Variants in ASAP1 observed in about 807,000 individuals in gnomAD.
The protein encoded by ASAP1 is ArfGAP with SH3 domain, ankyrin repeat and PH domain 1.
Under a neutral mutation model 145.2 loss-of-function variants are expected in ASAP1, and 43 were observed. The ratio of observed to expected loss-of-function variants is 0.30; its 90% CI spans 0.23 to 0.38. The LOEUF is 0.38. ASAP1 is among the 10% of genes least tolerant of loss of function. The pLI is 1.00. For missense variants in ASAP1, 1,018 were observed against 1,355.3 expected (o/e 0.75, Z 3.91); for synonymous variants, 546 against 515.5 (o/e 1.06, Z -0.80).
chr8:130,062,896 C>T (rs907261013), intron 27 of ASAP1, among the ~76,000 whole-genome samples: 7 of 152,120 alleles, frequency 4.6e-5, no homozygotes, highest in African/African-American at 1.4e-4. Flanking sequence ...ATTGCTTGAG[C>T]CCAGGGTCCA....
intron 5 of ASAP1, chr8:130,195,423 G>T (rs916532639): frequency 1.3e-5 from 2 of 149,894 alleles, no homozygotes; most frequent in African/African-American, 4.9e-5. Context: ...GCATGATGGC[G>T]CACGCCTGTA....
At chr8:130,422,196 G>A in intron 1 of ASAP1, among the ~76,000 whole-genome samples, 1 of 152,142 alleles carries the variant, frequency 6.6e-6, no homozygotes, top group East Asian at 1.9e-4. Flanking sequence ...GGAGGCCTGA[G>A]GGGGATGGGC....
intron 27 of ASAP1, among the ~76,000 whole-genome samples, chr8:130,072,825 G>GTGCGTGTGCGCGCGCGCA: frequency 1.8e-5 from 1 of 54,098 alleles, no homozygotes; most frequent in South Asian, 6.9e-4. Context: ...GTGTGTGTGT[G>GTGCGTGTGCGCGCGCGCA]CGCGCGGGGG....
intron 3 of ASAP1, among the ~76,000 whole-genome samples, chr8:130,338,448 A>G (rs1825173833): frequency 6.6e-6 from 1 of 152,208 alleles, no homozygotes; most frequent in South Asian, 2.1e-4. Context: ...ACAACAGAAG[A>G]TACGTGTCAG....
intron 3 of ASAP1, among the ~76,000 whole-genome samples, chr8:130,357,269 G>A (rs1444361914): frequency 1.3e-5 from 2 of 151,070 alleles, no homozygotes; most frequent in Non-Finnish European, 2.9e-5. Context: ...CTGTCGCCTC[G>A]GGCCTCCCTT....
In ASAP1 at chr8:130,267,074, T is replaced by C. The variant is rs1448922448; in HGVS notation, c.187-30080A>G. On this transcript the variant is annotated intron_variant, in intron 3 of 29. Transcript: ENST00000518721. Reference sequence around the variant, plus strand: ...AGTAGTCATTAAGAGGACAAAGAAGTAGTACAGCCCAGAGTGAGACTCTGT... The same window carrying C: ...AGTAGTCATTAAGAGGACAAAGAAGCAGTACAGCCCAGAGTGAGACTCTGT... 2.1e-5 allele frequency among the ~76,000 whole-genome samples: 3 copies of C among 141,332 alleles called. No homozygotes were observed. In the South Asian group the frequency reaches 6.6e-4, roughly 31 times the overall value. 92.7% of individuals were successfully genotyped at this position (141,332 alleles called of 152,430 possible). A position where few individuals can be genotyped will look rare whatever the true frequency, so the allele number is the denominator to read the frequency against.
chr8:130,346,829 G>C (rs1206753162), intron 3 of ASAP1, among the ~76,000 whole-genome samples: 3 of 148,094 alleles, frequency 2.0e-5, no homozygotes, highest in Non-Finnish European at 4.5e-5. Flanking sequence ...ATTTTGATTT[G>C]TACTTTGTGG....
chr8:130,149,509 C>T (rs1307898757), intron 13 of ASAP1, among the ~76,000 whole-genome samples: 1 of 152,108 alleles, frequency 6.6e-6, no homozygotes, highest in Non-Finnish European at 1.5e-5. Flanking sequence ...GCAGACCTTG[C>T]TTGGGTGGCC....
At chr8:130,254,478 A>G (rs1362235606) in intron 3 of ASAP1, among the ~76,000 whole-genome samples, 3 of 152,244 alleles carry the variant, frequency 2.0e-5, no homozygotes, top group African/African-American at 7.2e-5. Flanking sequence ...TCACACATTC[A>G]TTAAAAAGGC....
At chr8:130,280,955 T>A (rs1821209149) in intron 3 of ASAP1, among the ~76,000 whole-genome samples, 1 of 152,232 alleles carries the variant, frequency 6.6e-6, no homozygotes, top group Non-Finnish European at 1.5e-5. Flanking sequence ...TGAGTAAATA[T>A]GTTTACAGAT....
At chr8:130,066,443 T>C (rs2097430847) in intron 27 of ASAP1, among the ~76,000 whole-genome samples, 1 of 152,182 alleles carries the variant, frequency 6.6e-6, no homozygotes, top group South Asian at 2.1e-4. Context: ...ACTCCTGGGC[T>C]CAAGTGATCC....
At chr8:130,433,258 C>T (rs79451192) in intron 1 of ASAP1, among the ~76,000 whole-genome samples, 2,976 of 152,290 alleles carry the variant, frequency 0.02, 108 homozygotes, top group African/African-American at 0.069. Context: ...TTTCACCTTT[C>T]TCCTTGAACA....
At chr8:130,119,130 G>T (rs1337083046) in intron 18 of ASAP1, among the ~76,000 whole-genome samples, 1 of 152,142 alleles carries the variant, frequency 6.6e-6, no homozygotes, top group Non-Finnish European at 1.5e-5. Context: ...TTTTTAAAAG[G>T]ATCGGGTCTC....
intron 18 of ASAP1, among the ~76,000 whole-genome samples, chr8:130,119,242 G>A (rs1441272091): frequency 6.6e-6 from 1 of 152,008 alleles, no homozygotes; most frequent in East Asian, 1.9e-4. Flanking sequence ...GCCTGTACCC[G>A]GCCATAACTC....
At chr8:130,414,283 A>G (rs1829385385) in intron 1 of ASAP1, among the ~76,000 whole-genome samples, 1 of 152,230 alleles carries the variant, frequency 6.6e-6, no homozygotes, top group African/African-American at 2.4e-5. Context: ...TTTTAAGATA[A>G]TAAATGTGTG....
intron 13 of ASAP1, among the ~76,000 whole-genome samples, chr8:130,138,290 A>C (rs2097600010): frequency 6.6e-6 from 1 of 152,214 alleles, no homozygotes; most frequent in African/African-American, 2.4e-5. Context: ...ATGAGATTAA[A>C]CATAGAAAAC....
At position 130,211,685 on chromosome 8, in the gene ASAP1, T is replaced by C. The variant is rs555895967; in HGVS notation, c.405+2871A>G. Among the ~76,000 whole-genome samples the C allele has an allele frequency of 3.8e-3, 580 of 152,344 alleles. 1 individual carries two copies. The highest frequency in any genetic ancestry group is 6.2e-3 in the Non-Finnish European group (425 of 68,026). On this transcript the variant is annotated intron_variant, in intron 5 of 29. Coordinates refer to ENST00000518721, the MANE Select transcript of ASAP1 (RefSeq NM_018482.4). ...ATAAGTAATGATTTAGTATAAACTA[T>C]TAAAATACTCTTCAAAGGCAATACT...
intron 4 of ASAP1, among the ~76,000 whole-genome samples, chr8:130,219,597 T>C (rs1817165713): frequency 6.6e-6 from 1 of 152,200 alleles, no homozygotes; most frequent in Non-Finnish European, 1.5e-5. Flanking sequence ...TTAAGATCTT[T>C]ACTACATGCG....
At chr8:130,288,353 A>T (rs571749512) in intron 3 of ASAP1, among the ~76,000 whole-genome samples, 3 of 140,764 alleles carry the variant, frequency 2.1e-5, no homozygotes, top group South Asian at 4.4e-4. Context: ...AGCTGATATT[A>T]AAAAAAAAAA....
Sources: gnomAD v4.1 joint callset for allele counts (sites outside exome capture counted in the v4.1 genomes callset) on GRCh38, gnomAD v4.1.1 for gene constraint, MANE v1.5 for transcripts, NCBI Gene and HGNC (gene_info 2026-07-23, HGNC 2026-07-21) for gene names.